PCDHGB1: variants seen among roughly 807,000 people sequenced by gnomAD.
PCDHGB1 encodes protocadherin gamma subfamily B, 1.
PCDHGB1 carries 34 observed loss-of-function variants against 56.6 expected under a neutral mutation model. The ratio of observed to expected loss-of-function variants is 0.60; its 90% CI spans 0.46 to 0.80. The LOEUF is 0.80. Among genes scored for constraint, PCDHGB1 ranks in the 30% least tolerant of loss-of-function variants. PCDHGB1 has a pLI of 0.00. For missense variants in PCDHGB1, 1,278 were observed against 1,204.6 expected, an observed-to-expected ratio of 1.06 and a Z score of -0.90; for synonymous variants, 561 against 505.9, an observed-to-expected ratio of 1.11 and a Z score of -1.46.
At chr5:141,383,515 C>A (rs749503295) in intron 1 of PCDHGB1, 4 of 1,612,348 alleles carry the variant, frequency 2.5e-6, no homozygotes, top group Admixed American at 1.7e-5. Context: ...GGAGGAAGAG[C>A]GGGTTCACCA....
chr5:141,375,593 T>C (rs922478028), intron 1 of PCDHGB1: 1 of 1,614,024 alleles, frequency 6.2e-7, no homozygotes, highest in African/African-American at 1.3e-5. Flanking sequence ...CCTGTCCTCC[T>C]ACGTGTCCAT....
intron 1 of PCDHGB1, chr5:141,398,029 G>C (rs1363038637): frequency 2.7e-6 from 4 of 1,458,540 alleles, no homozygotes; most frequent in Non-Finnish European, 3.7e-6. Flanking sequence ...ACTGGAACTG[G>C]AACTAAAGCC....
rs956295940 is a variant in PCDHGB1 at position 141,477,700 on chromosome 5, G to T, written c.2410-17107G>T. The T allele has an allele frequency of 1.2e-6, 2 of 1,613,954 alleles. No individual in the cohort carries two copies. Among genetic ancestry groups the T allele is most frequent in the African/African-American group, 2.7e-5 (2 of 74,928 alleles). On this transcript the variant is annotated intron_variant, in intron 1 of 3. Coordinates refer to ENST00000523390, the MANE Select transcript of PCDHGB1 (RefSeq NM_018922.3). This position sits in a 1 kb window ranked among gnomAD's most constrained non-coding sequence, Gnocchi z 4.9. ...CATCCTTAGTGCCCCTAGACTATGAGGATCGGCGGGAATTTGAATTAACAG... is the reference window on the plus strand; with the variant it reads ...CATCCTTAGTGCCCCTAGACTATGATGATCGGCGGGAATTTGAATTAACAG...
intron 1 of PCDHGB1, chr5:141,393,568 T>G (rs549396721): frequency 1.2e-6 from 2 of 1,613,904 alleles, no homozygotes; most frequent in African/African-American, 2.7e-5. Context: ...GTGAAAGTCC[T>G]TGAGAACATG....
chr5:141,475,899 T>A, intron 1 of PCDHGB1: 1 of 574,766 alleles, frequency 1.7e-6, no homozygotes. Flanking sequence ...TGTGTGCCGC[T>A]GTCGGCCAAT....
chr5:141,426,882 C>T, intron 1 of PCDHGB1: 1 of 456,664 alleles, frequency 2.2e-6, no homozygotes, highest in South Asian at 1.5e-5. Flanking sequence ...GCCCCTGGGC[C>T]AGGAGCAACA....
chr5:141,491,966 G>A lies in PCDHGB1; in HGVS notation c.2410-2841G>A. 1.1e-6 allele frequency: 1 copy of A among 943,066 alleles called. No individual in the cohort carries two copies. Among genetic ancestry groups the A allele is most frequent in the Non-Finnish European group, 1.5e-6 (1 of 669,210 alleles). The allele number at this position is 943,066 out of a possible 1,614,324, so 58.4% of individuals were successfully genotyped here. On this transcript the variant is annotated intron_variant, in intron 1 of 3. Coordinates refer to ENST00000523390, the MANE Select transcript of PCDHGB1 (RefSeq NM_018922.3). The surrounding 1 kb of genome is among the most constrained non-coding windows in gnomAD (Gnocchi z 6.9). ...CCACCCCTACACTCAAAAAAGGCCG[G>A]GGCCTCCTTCGAGCTTCCGGTGAAT...
At chr5:141,361,514 AC>A in intron 1 of PCDHGB1, 1 of 1,614,028 alleles carries the variant, frequency 6.2e-7, no homozygotes, top group South Asian at 1.1e-5. Context: ...TACATGGTTC[AC>A]GTGGCAGAGA....
chr5:141,458,698 T>C (rs1258294275), intron 1 of PCDHGB1, among the ~76,000 whole-genome samples: 1 of 152,054 alleles, frequency 6.6e-6, no homozygotes, highest in East Asian at 1.9e-4. Context: ...GCCTCCCGAG[T>C]AGCTGGGATT....
chr5:141,489,641 C>T lies in PCDHGB1; in HGVS notation c.2410-5166C>T, dbSNP rs1356716387. On this transcript the variant is annotated intron_variant, in intron 1 of 3. Coordinates refer to ENST00000523390, the MANE Select transcript of PCDHGB1 (RefSeq NM_018922.3). This position sits in a 1 kb window ranked among gnomAD's most constrained non-coding sequence, Gnocchi z 4.5. The stretch of plus-strand genomic sequence containing the variant: ...CTCAATGACAACTCTCCTAGCTTTG[C>T]CACCCCTGAGCGAGAGATGCGCATC... The T allele has an allele frequency of 2.5e-6, 4 of 1,614,008 alleles. No individual in the cohort carries two copies. The highest frequency in any genetic ancestry group is 3.4e-6 in the Non-Finnish European group (4 of 1,180,012).
At chr5:141,366,750 A>T (rs530762959) in intron 1 of PCDHGB1, 92 of 1,607,760 alleles carry the variant, frequency 5.7e-5, no homozygotes, top group Non-Finnish European at 7.1e-5. Flanking sequence ...CGGCGAGTTC[A>T]GGTTAGTTTT....
chr5:141,392,659 A>T, intron 1 of PCDHGB1: 2 of 788,300 alleles, frequency 2.5e-6, no homozygotes, highest in Non-Finnish European at 3.8e-6. Flanking sequence ...CGCAGATGCC[A>T]CAAACTAACT....
rs773499765 is a variant in PCDHGB1 at position 141,489,626 on chromosome 5, A to T, written c.2410-5181A>T. 6.2e-6 allele frequency: 10 copies of T among 1,613,568 alleles called. No individual in the cohort carries two copies. In the South Asian group the frequency reaches 9.9e-5, roughly 16 times the overall value. On this transcript the variant is annotated intron_variant, in intron 1 of 3. Coordinates refer to ENST00000523390, the MANE Select transcript of PCDHGB1 (RefSeq NM_018922.3). The surrounding 1 kb of genome is among the most constrained non-coding windows in gnomAD (Gnocchi z 4.5). The stretch of plus-strand genomic sequence containing the variant: ...GTAGAGATCCTGGATCTCAATGACA[A>T]CTCTCCTAGCTTTGCCACCCCTGAG...
chr5:141,477,804 A>G lies in PCDHGB1; in HGVS notation c.2410-17003A>G. The G allele has an allele frequency of 6.2e-7, 1 of 1,614,088 alleles. No individual in the cohort carries two copies. ...ATATTTGTCACTGATCGCAATGACA[A>G]TGCCCCCCAGGTCCTATATCCTCGG... On this transcript the variant is annotated intron_variant, in intron 1 of 3. Transcript: ENST00000523390. The surrounding 1 kb of genome is among the most constrained non-coding windows in gnomAD (Gnocchi z 4.9).
In PCDHGB1 at chr5:141,441,877, C is replaced by T. The variant is rs945298341; in HGVS notation, c.2410-52930C>T. ...GCTGCACGCCGCGGAGCCTGGCTACCTGGTCACCAAGGTGGTGGCTGTAGA... is the reference window on the plus strand; with the variant it reads ...GCTGCACGCCGCGGAGCCTGGCTACTTGGTCACCAAGGTGGTGGCTGTAGA... On this transcript the variant is annotated intron_variant, in intron 1 of 3. Transcript: ENST00000523390. 4 of 343,582 alleles carry T rather than the reference C, an allele frequency of 1.2e-5. No homozygotes were observed. In the Admixed American group the frequency reaches 1.6e-4, roughly 13 times the overall value. 21.3% of individuals were successfully genotyped at this position (343,582 alleles called of 1,614,324 possible).
chr5:141,408,863 C>T, intron 1 of PCDHGB1: 1 of 1,613,604 alleles, frequency 6.2e-7, no homozygotes, highest in Non-Finnish European at 8.5e-7. Context: ...AGGGGACCCA[C>T]CAAGAAGTGC....
intron 1 of PCDHGB1, among the ~76,000 whole-genome samples, chr5:141,481,426 A>T (rs1431602618): frequency 6.6e-6 from 1 of 152,238 alleles, no homozygotes; most frequent in Non-Finnish European, 1.5e-5. Context: ...TGTGATGATG[A>T]TTGTATCAGT....
chr5:141,372,278 G>A (rs756938433), intron 1 of PCDHGB1: 7 of 1,613,020 alleles, frequency 4.3e-6, no homozygotes, highest in Non-Finnish European at 3.4e-6. Flanking sequence ...AGGTGCGCAC[G>A]GCGCGTACCT....
chr5:141,447,966 A>C (rs2098556806), intron 1 of PCDHGB1, among the ~76,000 whole-genome samples: 1 of 151,922 alleles, frequency 6.6e-6, no homozygotes, highest in Non-Finnish European at 1.5e-5. Context: ...GACACCTATA[A>C]TCCCAGCTAC....
Sources: gnomAD v4.1 joint callset for allele counts (sites outside exome capture counted in the v4.1 genomes callset) on GRCh38, gnomAD v4.1.1 for gene constraint, Gnocchi (gnomAD v3.1) non-coding constraint, MANE v1.5 for transcripts, NCBI Gene and HGNC (gene_info 2026-07-23, HGNC 2026-07-21) for gene names.